The following RBMS3 variants were observed in gnomAD, a reference collection of about 807,000 sequenced individuals.
The protein encoded by RBMS3 is RNA-binding motif, single-stranded-interacting protein 3.
Under a neutral mutation model 66.8 loss-of-function variants are expected in RBMS3, and 27 were observed. The ratio of observed to expected loss-of-function variants is 0.40; its 90% CI spans 0.30 to 0.56. The LOEUF (loss-of-function observed/expected upper bound fraction) is 0.56, where lower values mean the gene tolerates loss of function less well. Among genes scored for constraint, RBMS3 ranks in the 20% least tolerant of loss-of-function variants. RBMS3 has a pLI of 0.40. For missense variants in RBMS3, 513 were observed against 549.5 expected (o/e 0.93, Z 0.66); for synonymous variants, 188 against 183.0 (o/e 1.03, Z -0.22).
intron 3 of RBMS3, among the ~76,000 whole-genome samples, chr3:29,523,154 G>A (rs918591162): frequency 6.6e-6 from 1 of 152,098 alleles, no homozygotes; most frequent in Non-Finnish European, 1.5e-5. Flanking sequence ...TTCAAATCCA[G>A]ACTACCTGGC....
At chr3:29,548,521 G>C (rs2046060043) in intron 3 of RBMS3, among the ~76,000 whole-genome samples, 1 of 151,432 alleles carries the variant, frequency 6.6e-6, no homozygotes, top group Non-Finnish European at 1.5e-5. Context: ...AAATATATAT[G>C]ATATATGATT....
At chr3:29,751,924 C>T (rs772977160) in intron 5 of RBMS3, among the ~76,000 whole-genome samples, 17 of 152,184 alleles carry the variant, frequency 1.1e-4, no homozygotes, top group Non-Finnish European at 2.2e-4. Context: ...TTGCCTACGA[C>T]CCCTGGAGCC....
At chr3:29,806,179 A>G (rs1180321674) in intron 6 of RBMS3, among the ~76,000 whole-genome samples, 1 of 152,028 alleles carries the variant, frequency 6.6e-6, no homozygotes, top group Non-Finnish European at 1.5e-5. Context: ...TACAGGTAAA[A>G]CAAGAACCTC....
chr3:29,350,007 A>G (rs1425419820), intron 1 of RBMS3, among the ~76,000 whole-genome samples: 2 of 152,156 alleles, frequency 1.3e-5, no homozygotes, highest in South Asian at 4.2e-4. Context: ...CTAAAAATAC[A>G]AAATTAGCTG....
intron 4 of RBMS3, among the ~76,000 whole-genome samples, chr3:29,618,199 AAT>A (rs1559512677): frequency 6.6e-6 from 1 of 152,174 alleles, no homozygotes; most frequent in Non-Finnish European, 1.5e-5. Context: ...AAAATCTAAA[AAT>A]AGCACAGAGT....
chr3:29,569,265 T>C (rs1379348983), intron 3 of RBMS3, among the ~76,000 whole-genome samples: 1 of 152,154 alleles, frequency 6.6e-6, no homozygotes, highest in Non-Finnish European at 1.5e-5. Context: ...GATCCTGAAA[T>C]GCTGTTTTCC....
chr3:29,904,147 A>G (rs1009238136), intron 10 of RBMS3, among the ~76,000 whole-genome samples: 2 of 151,996 alleles, frequency 1.3e-5, no homozygotes, highest in Non-Finnish European at 2.9e-5. Flanking sequence ...TCAAAATTTT[A>G]CGGTAATTTT....
intron 1 of RBMS3, among the ~76,000 whole-genome samples, chr3:29,373,349 A>G (rs1369867943): frequency 6.6e-6 from 1 of 152,222 alleles, no homozygotes; most frequent in East Asian, 1.9e-4. Context: ...CCTAAAAGAA[A>G]TTTTGGCTTC....
At chr3:29,835,106 G>A (rs2058471531) in intron 6 of RBMS3, among the ~76,000 whole-genome samples, 2 of 151,998 alleles carry the variant, frequency 1.3e-5, no homozygotes, top group African/African-American at 2.4e-5. Context: ...AAATTTATAT[G>A]CACCCACTAT....
intron 6 of RBMS3, among the ~76,000 whole-genome samples, chr3:29,840,305 G>A (rs1192388208): frequency 6.6e-6 from 1 of 151,938 alleles, no homozygotes; most frequent in African/African-American, 2.4e-5. Flanking sequence ...CATTAAAAAT[G>A]TACTTAAAAG....
At chr3:29,718,610 T>C (rs2053506959) in intron 4 of RBMS3, among the ~76,000 whole-genome samples, 1 of 151,664 alleles carries the variant, frequency 6.6e-6, no homozygotes, top group Admixed American at 6.6e-5. Context: ...TGCCCCAGAG[T>C]GTTAACTCCC....
chr3:29,450,665 T>A (rs1000020865), intron 2 of RBMS3, among the ~76,000 whole-genome samples: 3 of 152,130 alleles, frequency 2.0e-5, no homozygotes. Flanking sequence ...TGTTTTTGAA[T>A]GCCTTATTCA....
At chr3:29,941,823 C>T (rs2061400496) in intron 11 of RBMS3, among the ~76,000 whole-genome samples, 1 of 151,764 alleles carries the variant, frequency 6.6e-6, no homozygotes, top group African/African-American at 2.4e-5. Flanking sequence ...ATTAAATATA[C>T]ATGTACATAT....
chr3:29,623,658 A>T, intron 4 of RBMS3, among the ~76,000 whole-genome samples: 1 of 152,162 alleles, frequency 6.6e-6, no homozygotes, highest in Non-Finnish European at 1.5e-5. Flanking sequence ...TGACATTTTG[A>T]GTTACACAAA....
intron 6 of RBMS3, among the ~76,000 whole-genome samples, chr3:29,787,420 A>G (rs981529919): frequency 1.3e-5 from 2 of 152,224 alleles, no homozygotes; most frequent in African/African-American, 4.8e-5. Context: ...TTGCAAAAAT[A>G]TGGAACCAGC....
chr3:29,456,513 A>G (rs574574549), intron 2 of RBMS3, among the ~76,000 whole-genome samples: 2 of 152,328 alleles, frequency 1.3e-5, no homozygotes, highest in African/African-American at 2.4e-5. Flanking sequence ...TCTGCAATTT[A>G]TCCAATCCAC....
At chr3:29,762,738 T>C (rs1054582267) in intron 5 of RBMS3, among the ~76,000 whole-genome samples, 172 bp from the exon 6 acceptor site, 7 of 152,140 alleles carry the variant, frequency 4.6e-5, no homozygotes, top group African/African-American at 1.7e-4. Context: ...TAAGCATTAA[T>C]GAGTTTGTGA....
rs2047007312 is a variant in RBMS3, at chr3:29,573,419, CT to C, written c.308-13690del. ...GGCATGAGCCACCATGCTCAGCTTC[CT>C]TTTTCATCTCTTATTTATTTCTTTA... On this transcript the variant is annotated intron_variant, in intron 3 of 14. Transcript: ENST00000383767. Among the ~76,000 whole-genome samples the C allele has an allele frequency of 2.6e-5, 4 of 152,218 alleles. No individual in the cohort carries two copies. The South Asian group carries it at 8.3e-4, about 32-fold the overall frequency.
intron 1 of RBMS3, among the ~76,000 whole-genome samples, chr3:29,413,065 A>G (rs944285272): frequency 2.0e-5 from 3 of 152,200 alleles, no homozygotes; most frequent in African/African-American, 4.8e-5. Flanking sequence ...CTCTTCTCAC[A>G]TAAGAAAAAG....
Sources: gnomAD v4.1 joint callset for allele counts (sites outside exome capture counted in the v4.1 genomes callset) on GRCh38, gnomAD v4.1.1 for gene constraint, MANE v1.5 for transcripts, NCBI Gene and HGNC (gene_info 2026-07-23, HGNC 2026-07-21) for gene names.